PPAT: variants seen among roughly 807,000 people sequenced by gnomAD.
The protein encoded by PPAT is phosphoribosyl pyrophosphate amidotransferase.
A neutral mutation model predicts 60.2 loss-of-function variants in PPAT; 20 were observed. That is an observed-to-expected ratio of 0.33 (90% CI 0.23 to 0.48). The LOEUF (loss-of-function observed/expected upper bound fraction) is 0.48. PPAT is among the 20% of genes least tolerant of loss of function. PPAT has a pLI of 0.99. For synonymous variants in PPAT, 194 were observed against 215.1 expected (o/e 0.90, Z 0.86); for missense variants, 349 against 629.6 (o/e 0.55, Z 4.77).
intron 2 of PPAT, 137 bp from the exon 3 acceptor site, chr4:56,406,838 T>TA (rs910899438): frequency 4.2e-5 from 29 of 693,810 alleles, no homozygotes; most frequent in Non-Finnish European, 5.4e-5. Flanking sequence ...AATTCTAATC[T>TA]AAAAAAAAGT....
chr4:56,410,864 C>T (rs929096728), intron 1 of PPAT: 4 of 955,284 alleles, frequency 4.2e-6, no homozygotes, highest in Admixed American at 8.4e-5. Context: ...CCTGGAAACG[C>T]TCAGCCCAAG....
chr4:56,419,882 CG>C, intron 1 of PPAT: 2 of 984,480 alleles, frequency 2.0e-6, no homozygotes, highest in Non-Finnish European at 2.4e-6. Flanking sequence ...AATACAAGAT[CG>C]TAAGAACAGC....
chr4:56,403,404 A>T lies in PPAT; in HGVS notation c.403-3T>A. ...AGACCAATACCATGACGCAGAAGCTATATAGAAAAAAAGAGAAGTTTAATC... is the reference window on the plus strand; with the variant it reads ...AGACCAATACCATGACGCAGAAGCTTTATAGAAAAAAAGAGAAGTTTAATC... On this transcript the variant is annotated splice_polypyrimidine_tract_variant and splice_region_variant and intron_variant, in intron 3 of 10. Coordinates refer to ENST00000264220, the MANE Select transcript of PPAT (RefSeq NM_002703.5). 1 of 1,599,626 alleles carries T rather than the reference A, an allele frequency of 6.3e-7. No individual in the cohort carries two copies. Among genetic ancestry groups the T allele is most frequent in the Non-Finnish European group, 8.5e-7 (1 of 1,170,024 alleles).
rs148294378 is a variant in PPAT at position 56,434,754 on chromosome 4, C to G, written c.128+596G>C. 3.3e-5 allele frequency among the ~76,000 whole-genome samples: 5 copies of G among 152,280 alleles called. No homozygotes were observed. In the East Asian group the frequency reaches 9.7e-4, roughly 29 times the overall value. ...TATTTCCATTTAATTTATGTGAGAT[C>G]TACTACCAGTAGTCATTCTCAACAT... is the stretch of plus-strand genomic sequence containing the variant. On this transcript the variant is annotated intron_variant, in intron 1 of 10. Coordinates refer to ENST00000264220, the MANE Select transcript of PPAT (RefSeq NM_002703.5).
In PPAT at chr4:56,406,648, A is replaced by G. The variant is rs138162667; in HGVS notation, c.249T>C (p.Tyr83=). The G allele has an allele frequency of 1.1e-5, 17 of 1,613,334 alleles. No homozygotes were observed. Among genetic ancestry groups the G allele is most frequent in the Non-Finnish European group, 1.2e-5 (14 of 1,179,250 alleles). The part of the protein sequence containing the change: ...VFTEDNLKKL[Y]VSNLGIGHTR... The stretch of plus-strand genomic sequence containing the variant: ...TGTGTCCAATTCCAAGATTTGAAAC[A>G]TATAATTTTTTCAAATTGTCTTCAG... Residue 83 remains tyrosine (Y), a synonymous_variant, in exon 3 of 11, where the codon TAT becomes TAC. Coordinates refer to ENST00000264220, the MANE Select transcript of PPAT (RefSeq NM_002703.5).
rs1224687671 is a variant in PPAT at position 56,394,046 on chromosome 4, T to C, written c.*1306A>G. 6.6e-6 allele frequency: 1 copy of C among 152,226 alleles called. No individual in the cohort carries two copies. The highest frequency in any genetic ancestry group is 1.5e-5 in the Non-Finnish European group (1 of 68,040). The allele number at this position is 152,226 out of a possible 1,614,324, so 9.4% of individuals were successfully genotyped here. A position where few individuals can be genotyped will look rare whatever the true frequency, so the allele number is the denominator to read the frequency against. On this transcript the variant is annotated 3_prime_UTR_variant, in exon 11 of 11. Coordinates refer to ENST00000264220, the MANE Select transcript of PPAT (RefSeq NM_002703.5). ...TAAATTTCTAAATGGATCTGGACAC[T>C]ATATACATCAAATTATGGTAACATA...
At chr4:56,399,491 G>C (rs551688145) in intron 8 of PPAT, 91 bp from the exon 9 acceptor site, 1 of 987,172 alleles carries the variant, frequency 1.0e-6, no homozygotes, top group African/African-American at 1.7e-5. Context: ...CAATATTCAA[G>C]TAAAATTTCA....
chr4:56,402,145 G>T lies in PPAT; in HGVS notation c.698C>A (p.Ser233Tyr). 1 of 1,606,560 alleles carries T rather than the reference G, an allele frequency of 6.2e-7. No individual in the cohort carries two copies. The highest frequency in any genetic ancestry group is 8.5e-7 in the Non-Finnish European group (1 of 1,174,374). Reference protein sequence around the residue: ...KTSETEGWVVSSESCSFLSIG... With the variant: ...KTSETEGWVVYSESCSFLSIG... ...AGATAAGAAGCTACAAGATTCTGAA[G>T]ACACCACCCATCCTTCTGTTTCTGA... Residue 233 changes from serine (S) to tyrosine (Y), a missense_variant, in exon 6 of 11, where the codon TCT becomes TAT. Transcript: ENST00000264220.
chr4:56,406,734 A>C, intron 2 of PPAT, 33 bp from the exon 3 acceptor site: 1 of 1,497,778 alleles, frequency 6.7e-7, no homozygotes, highest in Non-Finnish European at 9.3e-7. Flanking sequence ...CTTAGAAAAA[A>C]ACAGACTAGT....
intron 3 of PPAT, among the ~76,000 whole-genome samples, chr4:56,404,507 A>G (rs1716193764): frequency 6.6e-6 from 1 of 152,240 alleles, no homozygotes; most frequent in African/African-American, 2.4e-5. Context: ...CCCCATGGAC[A>G]TGCACAGATT....
Position 56,403,046 on chromosome 4 carries a change from C to G in PPAT, c.655G>C (p.Asp219His). The change falls in exon 5 of 11, where the codon GAC becomes CAC. Residue 219 changes from aspartate (D) to histidine (H), a missense_variant. Physicochemically the swap from Asp to His is moderately conservative, Grantham distance 81. Coordinates refer to ENST00000264220, the MANE Select transcript of PPAT (RefSeq NM_002703.5). ...TCCTTCTAAAGTTTATTACCTTTGTCATTTATATCAGACACTGGAATAAGA... is the reference window on the plus strand; with the variant it reads ...TCCTTCTAAAGTTTATTACCTTTGTGATTTATATCAGACACTGGAATAAGA... The part of the protein sequence containing the change: ...GRLIPVSDIN[D>H]KEKKTSETEG... The G allele has an allele frequency of 1.2e-6, 2 of 1,601,630 alleles. No homozygotes were observed. Among genetic ancestry groups the G allele is most frequent in the Non-Finnish European group, 1.7e-6 (2 of 1,175,546 alleles).
At chr4:56,430,647 A>C (rs1012132721) in intron 1 of PPAT, among the ~76,000 whole-genome samples, 48 of 151,720 alleles carry the variant, frequency 3.2e-4, no homozygotes, top group African/African-American at 1.2e-3. Flanking sequence ...CTATGTCTGG[A>C]TATAAATGCA....
chr4:56,398,411 A>G (rs1464322412), intron 9 of PPAT, among the ~76,000 whole-genome samples: 1 of 152,216 alleles, frequency 6.6e-6, no homozygotes, highest in Non-Finnish European at 1.5e-5. Flanking sequence ...AAGGTATTAC[A>G]CTGGGATTGG....
At position 56,395,509 on chromosome 4, in the gene PPAT, A is replaced by C; in HGVS notation, c.1397T>G (p.Val466Gly). The C allele has an allele frequency of 6.2e-7, 1 of 1,604,672 alleles. No homozygotes were observed. Among genetic ancestry groups the C allele is most frequent in the Non-Finnish European group, 8.5e-7 (1 of 1,176,500 alleles). ...CTTTATCCCTTCTTGTACAGATGAAACCAGTCCTTCTACTGACAGATACAC... is the reference window on the plus strand; with the variant it reads ...CTTTATCCCTTCTTGTACAGATGAACCCAGTCCTTCTACTGACAGATACAC... ...SVVYLSVEGL[V>G]SSVQEGIKFK... is the part of the protein sequence containing the mutation. The change falls in exon 11 of 11, where the codon GTT becomes GGT. Residue 466 changes from valine to glycine, a missense_variant. Val to Gly is a moderately radical substitution (Grantham distance 109). This residue lies in a region of PPAT where 167 missense variants were observed against 328.6 expected (regional missense o/e 0.51). Coordinates refer to ENST00000264220, the MANE Select transcript of PPAT (RefSeq NM_002703.5).
intron 1 of PPAT, among the ~76,000 whole-genome samples, chr4:56,413,304 G>A (rs946010766): frequency 3.3e-5 from 5 of 152,046 alleles, no homozygotes; most frequent in Non-Finnish European, 2.9e-5. Context: ...GAGGCGCAAC[G>A]CCACCATGCC....
chr4:56,411,265 A>C, intron 1 of PPAT, among the ~76,000 whole-genome samples: 1 of 152,194 alleles, frequency 6.6e-6, no homozygotes, highest in South Asian at 2.1e-4. Context: ...AATATCAAAA[A>C]CATTGCTCAA....
intron 1 of PPAT, among the ~76,000 whole-genome samples, chr4:56,413,439 G>T (rs979760446): frequency 6.6e-6 from 1 of 152,108 alleles, no homozygotes; most frequent in African/African-American, 2.4e-5. Flanking sequence ...ACAGGCCTGA[G>T]GCACCATGTC....
intron 1 of PPAT, chr4:56,408,026 TGA>T (rs891289508): frequency 3.9e-6 from 1 of 256,970 alleles, no homozygotes; most frequent in African/African-American, 2.2e-5. Context: ...CTTTAGGCCT[TGA>T]GAGAGATATG....
chr4:56,401,199 A>C (rs1300062448), intron 7 of PPAT, 131 bp downstream of exon 7: 21 of 902,992 alleles, frequency 2.3e-5, no homozygotes, highest in Non-Finnish European at 4.9e-6. Context: ...TTGTGGGCTC[A>C]GTCCTATATC....
Sources: gnomAD v4.1 joint callset for allele counts (sites outside exome capture counted in the v4.1 genomes callset) on GRCh38, gnomAD v4.1.1 for gene constraint, gnomAD v4.1.1 regional missense constraint, MANE v1.5 for transcripts, NCBI Gene and HGNC (gene_info 2026-07-23, HGNC 2026-07-21) for gene names.